Variants in FHIT observed in about 807,000 individuals in gnomAD.
FHIT encodes fragile histidine triad diadenosine triphosphatase.
In FHIT, 19 loss-of-function variants were observed where a neutral mutation model predicts 17.9. The ratio of observed to expected loss-of-function variants is 1.06; its 90% CI spans 0.74 to 1.56. FHIT has a LOEUF of 1.56. FHIT is among the 40% of genes most tolerant of loss of function. FHIT has a pLI of 0.00. For synonymous variants in FHIT, 81 were observed against 69.7 expected, an observed-to-expected ratio of 1.16 and a Z score of -0.81; for missense variants, 248 against 189.2, an observed-to-expected ratio of 1.31 and a Z score of -1.82.
chr3:60,192,006 G>T (rs1406917279), intron 5 of FHIT, among the ~76,000 whole-genome samples: 2 of 152,046 alleles, frequency 1.3e-5, no homozygotes. Context: ...CAGCACTGAG[G>T]ATTGGAGACT....
intron 5 of FHIT, among the ~76,000 whole-genome samples, chr3:60,094,050 G>A (rs1271113558): frequency 6.6e-6 from 1 of 151,906 alleles, no homozygotes; most frequent in African/African-American, 2.4e-5. Context: ...TGCTCTCAGA[G>A]CCCCCAGAAT....
intron 3 of FHIT, among the ~76,000 whole-genome samples, chr3:61,011,397 C>G (rs2031779920): frequency 6.6e-6 from 1 of 152,050 alleles, no homozygotes; most frequent in East Asian, 1.9e-4. Context: ...GAAACCAGCC[C>G]TCATAAATTC....
At chr3:59,920,509 A>C (rs552167900) in intron 8 of FHIT, among the ~76,000 whole-genome samples, 1 of 152,288 alleles carries the variant, frequency 6.6e-6, no homozygotes, top group South Asian at 2.1e-4. Flanking sequence ...CAACCACAGC[A>C]CTGTACATTG....
intron 4 of FHIT, among the ~76,000 whole-genome samples, chr3:60,612,165 T>C (rs1553673866): frequency 6.6e-6 from 1 of 152,086 alleles, no homozygotes; most frequent in East Asian, 1.9e-4. Context: ...AGTGAAGTGG[T>C]CAAAGAGAAG....
intron 4 of FHIT, among the ~76,000 whole-genome samples, chr3:60,766,614 T>G (rs1553721505): frequency 6.6e-6 from 1 of 151,942 alleles, no homozygotes; most frequent in East Asian, 1.9e-4. Context: ...TTGTCTCAAA[T>G]AAACCCAGAA....
chr3:60,875,686 G>C (rs1251229140), intron 3 of FHIT, among the ~76,000 whole-genome samples: 3 of 123,624 alleles, frequency 2.4e-5, no homozygotes, highest in African/African-American at 8.3e-5. Context: ...GCCAGGCATA[G>C]TCCTAAGCAG....
At chr3:60,328,634 A>G (rs1227183896) in intron 5 of FHIT, among the ~76,000 whole-genome samples, 1 of 152,202 alleles carries the variant, frequency 6.6e-6, no homozygotes, top group Non-Finnish European at 1.5e-5. Context: ...GGGGGGACAC[A>G]GCCAAACCAT....
At chr3:60,707,404 A>G (rs192672891) in intron 4 of FHIT, among the ~76,000 whole-genome samples, 149 of 152,332 alleles carry the variant, frequency 9.8e-4, no homozygotes, top group Non-Finnish European at 1.7e-3. Context: ...ATGGATAGAG[A>G]TGAACTTAAC....
intron 5 of FHIT, among the ~76,000 whole-genome samples, chr3:60,097,508 A>G (rs1347352126): frequency 6.6e-6 from 1 of 151,916 alleles, no homozygotes; most frequent in Non-Finnish European, 1.5e-5. Context: ...TTACACATGG[A>G]TTTTCTTTCA....
intron 5 of FHIT, among the ~76,000 whole-genome samples, chr3:60,181,330 G>A (rs956812717): frequency 6.6e-6 from 1 of 151,890 alleles, no homozygotes; most frequent in African/African-American, 2.4e-5. Flanking sequence ...GTTTTTAGTA[G>A]ATACGGTGTT....
intron 5 of FHIT, among the ~76,000 whole-genome samples, chr3:60,375,487 A>G (rs1376159664): frequency 1.3e-5 from 2 of 151,950 alleles, no homozygotes; most frequent in Non-Finnish European, 2.9e-5. Flanking sequence ...AGGCACAAGA[A>G]TCTCTTGAAC....
chr3:60,726,801 T>C (rs782245004), intron 4 of FHIT, among the ~76,000 whole-genome samples: 2 of 152,208 alleles, frequency 1.3e-5, no homozygotes, highest in Non-Finnish European at 2.9e-5. Context: ...TGTAAAGTGC[T>C]AATTGACCTG....
chr3:60,567,811 C>G (rs1412978153), intron 4 of FHIT, among the ~76,000 whole-genome samples: 4 of 152,186 alleles, frequency 2.6e-5, no homozygotes, highest in African/African-American at 7.2e-5. Flanking sequence ...TGAACAGACA[C>G]TTCTCAAAAG....
intron 4 of FHIT, among the ~76,000 whole-genome samples, chr3:60,565,429 C>T (rs911940973): frequency 2.6e-5 from 4 of 152,118 alleles, no homozygotes; most frequent in African/African-American, 4.8e-5. Context: ...CAACACTTTC[C>T]GTTAATGGAG....
At chr3:59,807,791 G>A (rs1700260471) in intron 8 of FHIT, among the ~76,000 whole-genome samples, 2 of 151,992 alleles carry the variant, frequency 1.3e-5, no homozygotes, top group South Asian at 2.1e-4. Flanking sequence ...GATGGTTTCC[G>A]CAAACACAGG....
chr3:60,364,612 A>G (rs758588556), intron 5 of FHIT, among the ~76,000 whole-genome samples: 2 of 152,224 alleles, frequency 1.3e-5, no homozygotes, highest in Non-Finnish European at 1.5e-5. Flanking sequence ...ACAGAAGGCT[A>G]TATGTGTACA....
chr3:60,034,342 A>C (rs1246092524), intron 5 of FHIT, among the ~76,000 whole-genome samples: 2 of 152,214 alleles, frequency 1.3e-5, no homozygotes, highest in Non-Finnish European at 2.9e-5. Context: ...GCTTTTACTT[A>C]CTGAAAGGTC....
At chr3:60,185,113 G>A (rs560914841) in intron 5 of FHIT, among the ~76,000 whole-genome samples, 148 of 152,266 alleles carry the variant, frequency 9.7e-4, no homozygotes, top group African/African-American at 3.5e-3. Flanking sequence ...AATGGAATTA[G>A]AAACAAAGAT....
intron 5 of FHIT, among the ~76,000 whole-genome samples, chr3:60,132,454 A>G (rs13080038): frequency 0.41 from 62,509 of 152,020 alleles, 14,626 homozygotes; most frequent in Middle Eastern, 0.54. Flanking sequence ...GGGGGGAAAA[A>G]TTATAAGGCT....
Sources: gnomAD v4.1 joint callset for allele counts (sites outside exome capture counted in the v4.1 genomes callset) on GRCh38, gnomAD v4.1.1 for gene constraint, MANE v1.5 for transcripts, NCBI Gene and HGNC (gene_info 2026-07-23, HGNC 2026-07-21) for gene names.